Variants in SKIC8 observed in about 807,000 individuals in gnomAD.
SKIC8 encodes SKI8 subunit of superkiller complex, also known as superkiller complex protein 8.
the SKIC8 span, chr15:78,292,450 C>T: frequency 8.7e-6 from 6 of 688,542 alleles, no homozygotes; most frequent in Admixed American, 1.5e-4. Context: ...CATTACAGTG[C>T]TGTTTCCAGC....
chr15:78,294,739 G>A, the SKIC8 span: 1 of 577,020 alleles, frequency 1.7e-6, no homozygotes. Context: ...CATGATGACT[G>A]CTTTTTTTTT....
At chr15:78,298,388 C>T in the SKIC8 span, among the ~76,000 whole-genome samples, 258 of 152,308 alleles carry the variant, frequency 1.7e-3, 1 homozygote, top group African/African-American at 5.9e-3. Context: ...TCACTGAAAC[C>T]TCATAACCCC....
chr15:78,298,376 G>A, the SKIC8 span, among the ~76,000 whole-genome samples: 11 of 152,290 alleles, frequency 7.2e-5, no homozygotes, highest in Admixed American at 1.3e-4. Flanking sequence ...CAAAGATTTA[G>A]CTCACTGAAA....
chr15:78,293,329 G>A, the SKIC8 span: 32 of 1,462,638 alleles, frequency 2.2e-5, no homozygotes, highest in South Asian at 2.0e-4. Flanking sequence ...TAATGAAGCC[G>A]AGATACTGTT....
the SKIC8 span, among the ~76,000 whole-genome samples, chr15:78,297,160 G>C: frequency 6.6e-6 from 1 of 152,118 alleles, no homozygotes; most frequent in Non-Finnish European, 1.5e-5. Flanking sequence ...CTATGCTTGG[G>C]GGCTATCTCA....
chr15:78,295,475 T>A, the SKIC8 span: 1 of 702,960 alleles, frequency 1.4e-6, no homozygotes, highest in Non-Finnish European at 2.6e-6. Context: ...AAGACTTGGA[T>A]GAACCAATCC....
At chr15:78,292,497 C>T in the SKIC8 span, 3 of 1,137,918 alleles carry the variant, frequency 2.6e-6, no homozygotes, top group Non-Finnish European at 3.9e-6. Flanking sequence ...AGTTCATGCA[C>T]ACATTATCAC....
chr15:78,293,428 A>G, the SKIC8 span: 1 of 666,134 alleles, frequency 1.5e-6, no homozygotes, highest in Non-Finnish European at 2.5e-6. Flanking sequence ...TTTTGGGGCC[A>G]CATATGAAAA....
chr15:78,292,471 G>C, the SKIC8 span: 1 of 827,570 alleles, frequency 1.2e-6, no homozygotes, highest in South Asian at 1.7e-5. Flanking sequence ...CCCACTGAGG[G>C]TATTATGTGA....
chr15:78,288,422 T>G, the SKIC8 span: 2 of 1,592,614 alleles, frequency 1.3e-6, no homozygotes, highest in East Asian at 4.5e-5. Flanking sequence ...GGTGAACCAC[T>G]GCCTCCTCAC....
chr15:78,283,440 G>A, the SKIC8 span: 2 of 1,613,110 alleles, frequency 1.2e-6, no homozygotes, highest in South Asian at 2.2e-5. Context: ...GTTTAAATTG[G>A]ACAATCATAG....
chr15:78,293,260 GCAT>G, the SKIC8 span: 1 of 1,613,972 alleles, frequency 6.2e-7, no homozygotes, highest in Admixed American at 1.7e-5. Context: ...TGACCAAATG[GCAT>G]CATCATGGGC....
At chr15:78,283,726 A>T in the SKIC8 span, 1 of 399,290 alleles carries the variant, frequency 2.5e-6, no homozygotes, top group South Asian at 6.9e-5. Context: ...CCCTTCCCAT[A>T]CTCCAAAAAA....
chr15:78,297,488 C>T, the SKIC8 span, among the ~76,000 whole-genome samples: 150 of 152,250 alleles, frequency 9.9e-4, no homozygotes, highest in Middle Eastern at 3.4e-3. Flanking sequence ...AATACAAAAA[C>T]ATATGTGCTT....
chr15:78,298,447 T>A, the SKIC8 span, among the ~76,000 whole-genome samples: 3 of 152,182 alleles, frequency 2.0e-5, no homozygotes, highest in Non-Finnish European at 4.4e-5. Flanking sequence ...TTTCCACAGT[T>A]CCAGAGGTCA....
At chr15:78,292,957 G>C in the SKIC8 span, 2 of 967,506 alleles carry the variant, frequency 2.1e-6, no homozygotes, top group East Asian at 5.3e-5. Context: ...TTAAATGTAG[G>C]ACTTTAAGAT....
chr15:78,293,391 T>G, the SKIC8 span: 1 of 980,960 alleles, frequency 1.0e-6, no homozygotes, highest in Non-Finnish European at 1.5e-6. Context: ...TTTTACAAAG[T>G]GCTTTCCTAT....
At chr15:78,297,841 G>T in the SKIC8 span, among the ~76,000 whole-genome samples, 1 of 152,190 alleles carries the variant, frequency 6.6e-6, no homozygotes, top group Non-Finnish European at 1.5e-5. Flanking sequence ...GCTGCCGAAG[G>T]TTTTCCAATA....
At chr15:78,286,765 TGGAGCAG>T in the SKIC8 span, 2 of 151,828 alleles carry the variant, frequency 1.3e-5, no homozygotes, top group South Asian at 4.2e-4. Context: ...CTCAGCAGAG[TGGAGCAG>T]ACCTCAGTTA....
Sources: gnomAD v4.1 joint callset for allele counts (sites outside exome capture counted in the v4.1 genomes callset) on GRCh38, gnomAD v4.1.1 for gene constraint, MANE v1.5 for transcripts, NCBI Gene and HGNC (gene_info 2026-07-23, HGNC 2026-07-21) for gene names.